TENM3: variants seen among roughly 807,000 people sequenced by gnomAD.
The protein encoded by TENM3 is teneurin transmembrane protein 3.
A neutral mutation model predicts 255.1 loss-of-function variants in TENM3; 63 were observed. That is an observed-to-expected ratio of 0.25 (90% CI 0.20 to 0.30). TENM3 has a LOEUF of 0.30. Among genes scored for constraint, TENM3 ranks in the 10% least tolerant of loss-of-function variants. The probability of loss-of-function intolerance (pLI) is 1.00; values close to 1 mark genes in which losing one functional copy is unlikely to be tolerated. For missense variants in TENM3, 2,929 were observed against 3,461.1 expected, an observed-to-expected ratio of 0.85 and a Z score of 3.86; for synonymous variants, 1,306 against 1,322.3, an observed-to-expected ratio of 0.99 and a Z score of 0.27.
the TENM3 span, among the ~76,000 whole-genome samples, chr4:182,093,377 G>C: frequency 6.6e-6 from 1 of 152,018 alleles, no homozygotes; most frequent in Non-Finnish European, 1.5e-5. Flanking sequence ...CATCAAAGGA[G>C]AGAGAACAAT....
chr4:182,224,421 C>A (rs113486454), intron 1 of TENM3, among the ~76,000 whole-genome samples: 29 of 152,152 alleles, frequency 1.9e-4, no homozygotes, highest in Non-Finnish European at 3.7e-4. Flanking sequence ...TGTAGCCTAG[C>A]CGACTCTGTC....
the TENM3 span, among the ~76,000 whole-genome samples, chr4:182,043,835 AG>A: frequency 1.3e-5 from 2 of 152,172 alleles, no homozygotes; most frequent in Non-Finnish European, 2.9e-5. Flanking sequence ...AGATTCCTTC[AG>A]GTCTTAGGCA....
the TENM3 span, among the ~76,000 whole-genome samples, chr4:182,046,957 G>T: frequency 1.1e-4 from 17 of 152,164 alleles, no homozygotes; most frequent in Non-Finnish European, 1.5e-4. Context: ...AAGCATAGCA[G>T]ATCCTACCTC....
chr4:181,733,940 C>T, the TENM3 span, among the ~76,000 whole-genome samples: 3 of 152,120 alleles, frequency 2.0e-5, no homozygotes, highest in East Asian at 1.9e-4. Context: ...TCTTTGTTTG[C>T]GGTTTGGAAC....
chr4:181,556,449 TTAAC>T, the TENM3 span, among the ~76,000 whole-genome samples: 4 of 152,178 alleles, frequency 2.6e-5, no homozygotes, highest in African/African-American at 7.2e-5. Context: ...TAAACTTTAA[TTAAC>T]ATTGATATAC....
At chr4:182,671,381 T>G (rs1308378375) in intron 6 of TENM3, among the ~76,000 whole-genome samples, 1 of 152,148 alleles carries the variant, frequency 6.6e-6, no homozygotes, top group Non-Finnish European at 1.5e-5. Flanking sequence ...ACCTGTCAAG[T>G]TCCACGGCCA....
At chr4:182,704,662 T>TTTAC (rs1758134699) in intron 12 of TENM3, among the ~76,000 whole-genome samples, 1 of 152,188 alleles carries the variant, frequency 6.6e-6, no homozygotes, top group Non-Finnish European at 1.5e-5. Context: ...GCAATGTAGT[T>TTTAC]ATTCAGATAA....
chr4:181,478,753 A>G, the TENM3 span, among the ~76,000 whole-genome samples: 1 of 152,192 alleles, frequency 6.6e-6, no homozygotes, highest in Non-Finnish European at 1.5e-5. Flanking sequence ...CTGCCTTTCC[A>G]TAAGCCATTC....
At chr4:182,068,724 G>T in the TENM3 span, among the ~76,000 whole-genome samples, 2 of 151,946 alleles carry the variant, frequency 1.3e-5, no homozygotes, top group South Asian at 2.1e-4. Context: ...ATGTACATAA[G>T]AATGTTGTAA....
rs138417261 is a variant in TENM3, at chr4:182,674,722, C to T, written c.1326+1503C>T. Among the ~76,000 whole-genome samples, 547 of 151,832 alleles carry T rather than the reference C, an allele frequency of 3.6e-3. 3 individuals are homozygous for T. Among genetic ancestry groups the T allele is most frequent in the African/African-American group, 0.013 (537 of 41,422 alleles). On this transcript the variant is annotated intron_variant, in intron 7 of 27. Coordinates refer to ENST00000511685, the MANE Select transcript of TENM3 (RefSeq NM_001080477.4). ...TCCTGGGTAGCTGGGACTACAGATGCGTGTCACCGCCCCCGGCTAATTTTT... is the reference window on the plus strand; with the variant it reads ...TCCTGGGTAGCTGGGACTACAGATGTGTGTCACCGCCCCCGGCTAATTTTT...
chr4:182,229,333 T>A (rs1756398882), intron 1 of TENM3, among the ~76,000 whole-genome samples: 1 of 152,178 alleles, frequency 6.6e-6, no homozygotes, highest in African/African-American at 2.4e-5. Flanking sequence ...TGTTAATAGC[T>A]TTTGAAGAAT....
At chr4:181,656,018 G>A in the TENM3 span, among the ~76,000 whole-genome samples, 6 of 152,298 alleles carry the variant, frequency 3.9e-5, no homozygotes, top group East Asian at 1.2e-3. Context: ...TCCTTGACAT[G>A]TGAGTTTCCA....
the TENM3 span, among the ~76,000 whole-genome samples, chr4:181,538,951 T>C: frequency 1.3e-5 from 2 of 152,178 alleles, no homozygotes; most frequent in Non-Finnish European, 2.9e-5. Context: ...TTTAATTCTG[T>C]TGGGGAAAAA....
intron 22 of TENM3, among the ~76,000 whole-genome samples, chr4:182,763,436 G>C (rs1051245914): frequency 2.0e-5 from 3 of 152,144 alleles, no homozygotes; most frequent in South Asian, 4.2e-4. Context: ...GTGGTGGCGG[G>C]CATCTGTAGT....
intron 1 of TENM3, among the ~76,000 whole-genome samples, chr4:182,309,408 C>A (rs1762314272): frequency 6.6e-6 from 1 of 152,090 alleles, no homozygotes; most frequent in Non-Finnish European, 1.5e-5. Flanking sequence ...GCAGTTATCC[C>A]TTATTCTCCA....
At chr4:181,468,577 C>T in the TENM3 span, among the ~76,000 whole-genome samples, 2 of 152,288 alleles carry the variant, frequency 1.3e-5, no homozygotes, top group South Asian at 2.1e-4. Context: ...ATTTTCAGTT[C>T]GCTAGCTTCC....
At chr4:182,584,057 T>TG (rs1745771556) in intron 3 of TENM3, among the ~76,000 whole-genome samples, 1 of 152,214 alleles carries the variant, frequency 6.6e-6, no homozygotes, top group African/African-American at 2.4e-5. Flanking sequence ...ATCATCAAGA[T>TG]TTTCAACAGA....
chr4:182,366,535 TA>T (rs1290099886), intron 3 of TENM3, among the ~76,000 whole-genome samples: 2 of 152,106 alleles, frequency 1.3e-5, no homozygotes, highest in African/African-American at 4.8e-5. Context: ...TTAAATTAAC[TA>T]GGGGATACTT....
intron 17 of TENM3, 41 bp downstream of exon 17, chr4:182,737,116 C>T (rs1274988319): frequency 1.3e-6 from 2 of 1,582,930 alleles, no homozygotes; most frequent in Admixed American, 3.5e-5. Context: ...AAGTTTTTCT[C>T]AAAGCCAGAA....
Sources: gnomAD v4.1 joint callset for allele counts (sites outside exome capture counted in the v4.1 genomes callset) on GRCh38, gnomAD v4.1.1 for gene constraint, MANE v1.5 for transcripts, NCBI Gene and HGNC (gene_info 2026-07-23, HGNC 2026-07-21) for gene names.